Variants in TMEM132C observed in about 807,000 individuals in gnomAD.
The protein encoded by TMEM132C is transmembrane protein 132C.
A neutral mutation model predicts 61.4 loss-of-function variants in TMEM132C; 29 were observed. The observed-to-expected ratio is 0.47, with a 90% CI of 0.35 to 0.64. The LOEUF is 0.64. TMEM132C is among the 30% of genes least tolerant of loss of function. The pLI is 0.00. For missense variants in TMEM132C, 1,408 were observed against 1,476.9 expected, an observed-to-expected ratio of 0.95 and a Z score of 0.76; for synonymous variants, 656 against 633.1, an observed-to-expected ratio of 1.04 and a Z score of -0.54.
At chr12:128,433,191 A>G (rs2136040233) in intron 2 of TMEM132C, among the ~76,000 whole-genome samples, 1 of 152,248 alleles carries the variant, frequency 6.6e-6, no homozygotes, top group African/African-American at 2.4e-5. Flanking sequence ...ATGCACTGGG[A>G]AACAAAAAAA....
intron 3 of TMEM132C, among the ~76,000 whole-genome samples, chr12:128,571,649 T>C (rs542291998): frequency 1.3e-5 from 2 of 152,150 alleles, no homozygotes; most frequent in African/African-American, 4.8e-5. Context: ...AATCACACAG[T>C]GTTTGTCCTT....
intron 2 of TMEM132C, among the ~76,000 whole-genome samples, chr12:128,490,695 G>C (rs1871686022): frequency 6.6e-6 from 1 of 152,294 alleles, no homozygotes; most frequent in Non-Finnish European, 1.5e-5. Flanking sequence ...AGTGGAGTGG[G>C]AATAATATTG....
intron 2 of TMEM132C, among the ~76,000 whole-genome samples, chr12:128,457,508 G>A (rs909369255): frequency 3.3e-5 from 5 of 151,256 alleles, no homozygotes; most frequent in Non-Finnish European, 7.4e-5. Flanking sequence ...CCTGGGAGAC[G>A]GAGCTTGCAG....
chr12:128,362,830 CAT>C (rs1873749106), intron 1 of TMEM132C, among the ~76,000 whole-genome samples: 2 of 152,290 alleles, frequency 1.3e-5, no homozygotes, highest in South Asian at 2.1e-4. Flanking sequence ...TTGCAAAAGA[CAT>C]AGGATTTCCT....
intron 7 of TMEM132C, among the ~76,000 whole-genome samples, chr12:128,696,956 G>A (rs909296739): frequency 6.6e-6 from 1 of 152,170 alleles, no homozygotes; most frequent in Non-Finnish European, 1.5e-5. Flanking sequence ...CTAAATAGGA[G>A]GGGTCATTCC....
chr12:128,695,956 C>T lies in TMEM132C; in HGVS notation c.1782C>T (p.Gly594=). ...QFVSEGAGPW[G]QPNYLLSPNW... ...TGTCTGAGGGCGCCGGTCCATGGGGCCAGCCGAACTACCTGCTTAGTCCTA... is the reference window on the plus strand; with the variant it reads ...TGTCTGAGGGCGCCGGTCCATGGGGTCAGCCGAACTACCTGCTTAGTCCTA... Residue 594 remains glycine, a synonymous_variant, in exon 7 of 9, where the codon GGC becomes GGT. Transcript: ENST00000435159. 1 of 1,551,776 alleles carries T rather than the reference C, an allele frequency of 6.4e-7. No individual in the cohort carries two copies. The highest frequency in any genetic ancestry group is 8.7e-7 in the Non-Finnish European group (1 of 1,147,022).
rs535308767 is a variant in TMEM132C at position 128,578,288 on chromosome 12, G to A, written c.1121+34185G>A. Among the ~76,000 whole-genome samples the A allele has an allele frequency of 1.4e-4, 22 of 152,284 alleles. No homozygotes were observed. The South Asian group carries it at 2.7e-3, about 19-fold the overall frequency. ...TAGAATATAGGTCATGCCTGGAAGC[G>A]AGGCAGGCTGCCGGCCCCACCTCCC... On this transcript the variant is annotated intron_variant, in intron 3 of 8. Coordinates refer to ENST00000435159, the MANE Select transcript of TMEM132C (RefSeq NM_001136103.3).
chr12:128,517,826 G>A (rs1872766981), intron 2 of TMEM132C, among the ~76,000 whole-genome samples: 1 of 152,210 alleles, frequency 6.6e-6, no homozygotes, highest in South Asian at 2.1e-4. Context: ...GATGAGCCAG[G>A]ATGGAGCTGC....
intron 2 of TMEM132C, among the ~76,000 whole-genome samples, chr12:128,448,809 A>G (rs1870079690): frequency 1.3e-5 from 2 of 152,188 alleles, no homozygotes; most frequent in African/African-American, 2.4e-5. Context: ...AATTCGTATT[A>G]ACTTTGCTTA....
intron 1 of TMEM132C, among the ~76,000 whole-genome samples, chr12:128,291,662 T>C (rs952986367): frequency 1.3e-5 from 2 of 152,256 alleles, no homozygotes; most frequent in South Asian, 4.1e-4. Flanking sequence ...CTGTGCTGGT[T>C]GAGTCCTGTG....
At chr12:128,616,669 A>G in intron 4 of TMEM132C, among the ~76,000 whole-genome samples, 1 of 152,108 alleles carries the variant, frequency 6.6e-6, no homozygotes, top group African/African-American at 2.4e-5. Context: ...CTTTCTGCAA[A>G]CTCGGTTCCT....
chr12:128,469,070 C>T (rs759037752), intron 2 of TMEM132C, among the ~76,000 whole-genome samples: 18 of 152,114 alleles, frequency 1.2e-4, no homozygotes, highest in Non-Finnish European at 2.4e-4. Context: ...GTTGAAGTTA[C>T]ATCAGACTTG....
chr12:128,458,181 T>A (rs1290275246), intron 2 of TMEM132C, among the ~76,000 whole-genome samples: 1 of 148,636 alleles, frequency 6.7e-6, no homozygotes, highest in African/African-American at 2.4e-5. Flanking sequence ...TTAGAATATC[T>A]CATATTTATA....
chr12:128,427,387 G>GGTGTGTGTGTGTGTGT (rs761620460), intron 2 of TMEM132C, among the ~76,000 whole-genome samples: 107 of 132,342 alleles, frequency 8.1e-4, no homozygotes, highest in African/African-American at 2.9e-3. Context: ...CTTCCAAAGG[G>GGTGTGTGTGTGTGTGT]GTGTGTGTGT....
chr12:128,627,692 C>T lies in TMEM132C; in HGVS notation c.1305+11357C>T, dbSNP rs997000684. ...CGGAAAGCCCCTGTGAGCCCTGGGT[C>T]CCCTGTCCTGCTGCCTTCAACCCCA... On this transcript the variant is annotated intron_variant, in intron 4 of 8. Transcript: ENST00000435159. 3.3e-5 allele frequency among the ~76,000 whole-genome samples: 5 copies of T among 152,180 alleles called. 1 individual carries two copies. The highest frequency in any genetic ancestry group is 3.3e-4 in the Admixed American group (5 of 15,274).
At chr12:128,655,015 A>G (rs374121944) in intron 4 of TMEM132C, among the ~76,000 whole-genome samples, 2 of 152,176 alleles carry the variant, frequency 1.3e-5, no homozygotes, top group Non-Finnish European at 2.9e-5. Flanking sequence ...AGAGGAAATG[A>G]GGGGAATTGT....
At chr12:128,569,698 ACAGT>A (rs1203339545) in intron 3 of TMEM132C, among the ~76,000 whole-genome samples, 18 of 152,320 alleles carry the variant, frequency 1.2e-4, no homozygotes, top group South Asian at 2.1e-4. Flanking sequence ...GTAAATCAAG[ACAGT>A]CAGCAAACAT....
At chr12:128,457,722 G>A (rs1282174133) in intron 2 of TMEM132C, among the ~76,000 whole-genome samples, 1 of 152,088 alleles carries the variant, frequency 6.6e-6, no homozygotes. Flanking sequence ...ACAGGTCAAG[G>A]TCATACAGCC....
intron 2 of TMEM132C, among the ~76,000 whole-genome samples, chr12:128,497,718 G>A (rs1205419203): frequency 2.0e-5 from 3 of 152,124 alleles, no homozygotes; most frequent in Non-Finnish European, 4.4e-5. Flanking sequence ...GATTTTCCAG[G>A]TGCCGTCTGT....
Sources: gnomAD v4.1 joint callset for allele counts (sites outside exome capture counted in the v4.1 genomes callset) on GRCh38, gnomAD v4.1.1 for gene constraint, MANE v1.5 for transcripts, NCBI Gene and HGNC (gene_info 2026-07-23, HGNC 2026-07-21) for gene names.